Variants in RABGGTB observed in about 807,000 individuals in gnomAD.
RABGGTB encodes the protein geranylgeranyl transferase type-2 subunit beta.
In RABGGTB, 20 loss-of-function variants were observed where a neutral mutation model predicts 44.5. The observed-to-expected ratio is 0.45, with a 90% CI of 0.32 to 0.65. The LOEUF is 0.65. Ranked by LOEUF, RABGGTB falls within the 30% of genes least tolerant of loss-of-function variation. The probability of loss-of-function intolerance (pLI) is 0.05; values close to 1 mark genes in which losing one functional copy is unlikely to be tolerated. For missense variants in RABGGTB, 302 were observed against 398.7 expected (o/e 0.76, Z 2.06); for synonymous variants, 128 against 136.7 (o/e 0.94, Z 0.44).
At position 75,794,692 on chromosome 1, in the gene RABGGTB, T is replaced by C; in HGVS notation, c.*42T>C. 2 of 1,482,238 alleles carry C rather than the reference T, an allele frequency of 1.3e-6. No individual in the cohort carries two copies. The allele number at this position is 1,482,238 out of a possible 1,614,324, so 91.8% of individuals were successfully genotyped here. A position where few individuals can be genotyped will look rare whatever the true frequency, so the allele number is the denominator to read the frequency against. On this transcript the variant is annotated 3_prime_UTR_variant, in exon 9 of 9. Coordinates refer to ENST00000319942, the MANE Select transcript of RABGGTB (RefSeq NM_004582.4). ...GTTGCATAGTATAGTTTTGCCATTT[T>C]AACATTTCTGTATTTGAAGTGCTTA... is the stretch of plus-strand genomic sequence containing the variant.
Position 75,786,263 on chromosome 1 carries a change from C to T in RABGGTB, c.-9C>T, listed in dbSNP as rs376870769. The T allele has an allele frequency of 9.3e-6, 15 of 1,614,090 alleles. No homozygotes were observed. The highest frequency in any genetic ancestry group is 2.2e-5 in the East Asian group (1 of 44,872). On this transcript the variant is annotated 5_prime_UTR_variant, in exon 1 of 9. Transcript: ENST00000319942. ...GAACTGACCCTGCTCTCTCCTTTCC[C>T]TGTTAGACATGGTAAGTGTGAGTTT...
intron 6 of RABGGTB, 71 bp downstream of exon 6, chr1:75,791,642 T>TCC: frequency 7.5e-7 from 1 of 1,326,718 alleles, no homozygotes; most frequent in Non-Finnish European, 1.1e-6. Context: ...GAAAATTGGT[T>TCC]ATTTCAGTGT....
chr1:75,791,376 T>G, intron 5 of RABGGTB, 39 bp downstream of exon 5: 1 of 1,590,406 alleles, frequency 6.3e-7, no homozygotes, highest in South Asian at 1.1e-5. Flanking sequence ...TTAAAGTTCA[T>G]GAATACTCTG....
chr1:75,790,882 A>G (rs374853509), intron 4 of RABGGTB, among the ~76,000 whole-genome samples: 1 of 152,014 alleles, frequency 6.6e-6, no homozygotes, highest in Non-Finnish European at 1.5e-5. Flanking sequence ...GCCTCATGTG[A>G]TCCTCCTGCC....
At chr1:75,794,339 GTT>G in intron 8 of RABGGTB, 106 bp downstream of exon 8, 13 of 1,366,542 alleles carry the variant, frequency 9.5e-6, no homozygotes, top group Non-Finnish European at 1.3e-5. Context: ...TTTGAAAGCA[GTT>G]TTTTTTTCTA....
intron 4 of RABGGTB, among the ~76,000 whole-genome samples, chr1:75,791,083 C>T (rs1649635424): frequency 6.6e-6 from 1 of 152,176 alleles, no homozygotes; most frequent in Non-Finnish European, 1.5e-5. Context: ...AGCTACTGTG[C>T]CTGGTCAATT....
intron 8 of RABGGTB, 42 bp downstream of exon 8, chr1:75,794,275 G>A (rs761897222): frequency 2.4e-5 from 38 of 1,562,350 alleles, no homozygotes; most frequent in East Asian, 6.8e-5. Context: ...TTATTTCAGC[G>A]TTTGCATTAC....
intron 7 of RABGGTB, 42 bp from the exon 8 acceptor site, chr1:75,794,042 A>G: frequency 2.6e-6 from 4 of 1,524,022 alleles, no homozygotes; most frequent in African/African-American, 2.8e-5. Flanking sequence ...AAATTAGGGA[A>G]ATAAAAGAGA....
At chr1:75,790,254 G>C in intron 4 of RABGGTB, 197 bp downstream of exon 4, 1 of 1,261,160 alleles carries the variant, frequency 7.9e-7, no homozygotes, top group Non-Finnish European at 9.9e-7. Context: ...TGGAACAGAG[G>C]GGGCCAGTCT....
chr1:75,787,907 A>G (rs1384955779), intron 2 of RABGGTB: 1 of 603,010 alleles, frequency 1.7e-6, no homozygotes, highest in Non-Finnish European at 3.2e-6. Flanking sequence ...ATGTGTTGGC[A>G]TGTATTATCT....
At chr1:75,789,820 G>A in intron 3 of RABGGTB, 132 bp from the exon 4 acceptor site, 1 of 650,100 alleles carries the variant, frequency 1.5e-6, no homozygotes, top group Non-Finnish European at 2.7e-6. Flanking sequence ...TAACAGGAGA[G>A]TCTGCATATT....
intron 6 of RABGGTB, 103 bp from the exon 7 acceptor site, chr1:75,792,078 A>G: frequency 9.5e-7 from 1 of 1,047,172 alleles, no homozygotes; most frequent in Non-Finnish European, 1.4e-6. Context: ...TCAGATCAAG[A>G]AGAAAAACTT....
chr1:75,794,805 A>G lies in RABGGTB; in HGVS notation c.*155A>G, dbSNP rs1649730210. 2.1e-6 allele frequency: 1 copy of G among 470,080 alleles called. No individual in the cohort carries two copies. The highest frequency in any genetic ancestry group is 2.1e-5 in the African/African-American group (1 of 48,602). The allele number at this position is 470,080 out of a possible 1,614,324, so 29.1% of individuals were successfully genotyped here. A position where few individuals can be genotyped will look rare whatever the true frequency, so the allele number is the denominator to read the frequency against. On this transcript the variant is annotated 3_prime_UTR_variant, in exon 9 of 9. Transcript: ENST00000319942. ...TATATAATTATACATATTGTAAAAT[A>G]AAGACCGGTATTTTATTTTCTGCTT...
chr1:75,790,226 C>T (rs1005805277), intron 4 of RABGGTB, 169 bp downstream of exon 4: 4 of 1,391,300 alleles, frequency 2.9e-6, no homozygotes, highest in Non-Finnish European at 3.7e-6. Flanking sequence ...GTAGTTATAT[C>T]AGCATATACA....
intron 6 of RABGGTB, 71 bp from the exon 7 acceptor site, chr1:75,792,110 A>G (rs963565987): frequency 8.8e-6 from 12 of 1,356,620 alleles, no homozygotes; most frequent in South Asian, 1.3e-5. Context: ...TGGTGTTTTA[A>G]TAATTTGAGT....
intron 1 of RABGGTB, 113 bp from the exon 2 acceptor site, chr1:75,787,384 C>A (rs572769652): frequency 3.7e-6 from 3 of 803,560 alleles, no homozygotes; most frequent in Non-Finnish European, 6.1e-6. Flanking sequence ...GGAACGTTTT[C>A]CTATTACAAG....
intron 3 of RABGGTB, 172 bp from the exon 4 acceptor site, chr1:75,789,780 G>A: frequency 1.7e-6 from 1 of 592,924 alleles, no homozygotes; most frequent in Middle Eastern, 4.5e-4. Flanking sequence ...AAAGATTTGA[G>A]TTTTCTTGAT....
intron 2 of RABGGTB, chr1:75,788,900 A>G (rs1445141267): frequency 2.1e-6 from 1 of 479,500 alleles, no homozygotes; most frequent in Admixed American, 3.8e-5. Context: ...GGGAGAAACT[A>G]AAGCACTGTT....
At chr1:75,788,972 A>T (rs574209053) in intron 2 of RABGGTB, 187 bp from the exon 3 acceptor site, 1 of 587,036 alleles carries the variant, frequency 1.7e-6, no homozygotes, top group Admixed American at 3.2e-5. Context: ...TTTTCTGATA[A>T]TAGTTGTGTC....
Sources: allele counts gnomAD v4.1 joint callset (sites outside exome capture counted in the v4.1 genomes callset), GRCh38; gene constraint gnomAD v4.1.1; transcripts MANE v1.5; gene names NCBI Gene and HGNC (gene_info 2026-07-23, HGNC 2026-07-21).